COMMD10: variants seen among roughly 807,000 people sequenced by gnomAD.
COMMD10 encodes the protein COMM domain-containing protein 10.
A neutral mutation model predicts 28.9 loss-of-function variants in COMMD10; 33 were observed. That is an observed-to-expected ratio of 1.14 (90% confidence interval 0.87 to 1.53). COMMD10 has a LOEUF of 1.53. COMMD10 is among the 40% of genes most tolerant of loss of function. COMMD10 has a pLI of 0.00. For missense variants in COMMD10, 310 were observed against 233.4 expected, an observed-to-expected ratio of 1.33 and a Z score of -2.14; for synonymous variants, 110 against 81.7, an observed-to-expected ratio of 1.35 and a Z score of -1.87.
intron 4 of COMMD10, among the ~76,000 whole-genome samples, chr5:116,099,674 T>C (rs1750590332): frequency 6.6e-6 from 1 of 152,206 alleles, no homozygotes; most frequent in East Asian, 1.9e-4. Flanking sequence ...TGCTTTTGAT[T>C]TGCATTTCTT....
chr5:116,234,157 G>C (rs1749599182), intron 5 of COMMD10, among the ~76,000 whole-genome samples: 1 of 152,152 alleles, frequency 6.6e-6, no homozygotes, highest in Non-Finnish European at 1.5e-5. Flanking sequence ...TGCTATGGAA[G>C]TCAGGTGACA....
intron 5 of COMMD10, among the ~76,000 whole-genome samples, chr5:116,151,452 A>G (rs187133082): frequency 2.6e-3 from 397 of 152,170 alleles, no homozygotes; most frequent in Middle Eastern, 6.8e-3. Context: ...TCCTCCTCGT[A>G]CCTCTGGTAG....
At chr5:116,251,521 C>T (rs964061352) in intron 5 of COMMD10, among the ~76,000 whole-genome samples, 1 of 149,006 alleles carries the variant, frequency 6.7e-6, no homozygotes, top group African/African-American at 2.5e-5. Context: ...CAATTCCCAC[C>T]TATGAGTGAG....
chr5:116,212,417 T>A (rs944012125), intron 5 of COMMD10, among the ~76,000 whole-genome samples: 1 of 151,382 alleles, frequency 6.6e-6, no homozygotes, highest in East Asian at 1.9e-4. Context: ...TTGCAGAGGA[T>A]TGGGGCTTTT....
chr5:116,157,445 T>A (rs894453304), intron 5 of COMMD10, among the ~76,000 whole-genome samples: 8 of 152,144 alleles, frequency 5.3e-5, no homozygotes, highest in African/African-American at 1.9e-4. Flanking sequence ...TTGGGATGAT[T>A]TTAATCAGTG....
At chr5:116,283,493 C>T (rs774369144) in intron 5 of COMMD10, among the ~76,000 whole-genome samples, 18 of 151,504 alleles carry the variant, frequency 1.2e-4, no homozygotes, top group Non-Finnish European at 2.1e-4. Context: ...ATTACAGGCA[C>T]CCACCACCAC....
intron 5 of COMMD10, among the ~76,000 whole-genome samples, chr5:116,285,509 G>A (rs1046690044): frequency 6.6e-6 from 1 of 151,904 alleles, no homozygotes; most frequent in African/African-American, 2.4e-5. Flanking sequence ...TACCACTGCT[G>A]TATTCCCCAT....
chr5:116,119,012 CAG>C (rs1429349696), intron 4 of COMMD10, among the ~76,000 whole-genome samples: 1 of 152,152 alleles, frequency 6.6e-6, no homozygotes, highest in South Asian at 2.1e-4. Flanking sequence ...TGTACTTTTT[CAG>C]AGTGTTGCCA....
chr5:116,197,417 T>C (rs937883429), intron 5 of COMMD10, among the ~76,000 whole-genome samples: 2 of 152,210 alleles, frequency 1.3e-5, no homozygotes, highest in African/African-American at 4.8e-5. Context: ...GATCTTGCCC[T>C]GTTGCCCAGG....
chr5:116,251,209 T>C (rs912445932), intron 5 of COMMD10, among the ~76,000 whole-genome samples: 7 of 151,956 alleles, frequency 4.6e-5, no homozygotes, highest in African/African-American at 1.7e-4. Flanking sequence ...TTATTGTTCA[T>C]TAAGTATTTG....
At chr5:116,262,657 G>C (rs1226715991) in intron 5 of COMMD10, among the ~76,000 whole-genome samples, 3 of 151,794 alleles carry the variant, frequency 2.0e-5, no homozygotes, top group African/African-American at 7.3e-5. Context: ...GTATTCCCAA[G>C]ATTTTCAGTC....
At chr5:116,187,482 A>T (rs1412632125) in intron 5 of COMMD10, among the ~76,000 whole-genome samples, 1 of 152,028 alleles carries the variant, frequency 6.6e-6, no homozygotes, top group Non-Finnish European at 1.5e-5. Flanking sequence ...TTTTAGTGTA[A>T]AGATATTGAT....
chr5:116,241,313 C>T (rs1341016671), intron 5 of COMMD10, among the ~76,000 whole-genome samples: 1 of 152,112 alleles, frequency 6.6e-6, no homozygotes, highest in Non-Finnish European at 1.5e-5. Flanking sequence ...TTAGGTTAGA[C>T]CCTGGAGCAA....
Position 116,212,496 on chromosome 5 carries a change from C to CTGTGTGTGTG in COMMD10, c.510+78336_510+78345dup, listed in dbSNP as rs11268771. Among the ~76,000 whole-genome samples, 224 of 63,862 alleles carry CTGTGTGTGTG rather than the reference C, an allele frequency of 3.5e-3. 3 individuals carry two copies. Among genetic ancestry groups the CTGTGTGTGTG allele is most frequent in the African/African-American group, 7.2e-3 (196 of 27,212 alleles). 41.9% of individuals were successfully genotyped at this position (63,862 alleles called of 152,430 possible). On this transcript the variant is annotated intron_variant, in intron 5 of 6. Transcript: ENST00000274458. ...TCCAGTGACAGAAGGTACTGAAATGCTGTGTGTGTGTGTGTGTGTGTGTGT... is the reference window on the plus strand; with the variant it reads ...TCCAGTGACAGAAGGTACTGAAATGCTGTGTGTGTGTGTGTGTGTGTGTGTGTGTGTGTGT...
At chr5:116,163,489 C>G (rs537361555) in intron 5 of COMMD10, among the ~76,000 whole-genome samples, 3 of 149,722 alleles carry the variant, frequency 2.0e-5, no homozygotes, top group African/African-American at 7.4e-5. Context: ...ACTCAGGAGG[C>G]TGAGGCAGGG....
intron 5 of COMMD10, among the ~76,000 whole-genome samples, chr5:116,225,142 G>A (rs1749358528): frequency 6.6e-6 from 1 of 151,734 alleles, no homozygotes; most frequent in Admixed American, 6.6e-5. Context: ...AGAGTTTTCT[G>A]TTTTTGTTGT....
At chr5:116,128,305 A>G (rs1288079959) in intron 4 of COMMD10, among the ~76,000 whole-genome samples, 1 of 152,016 alleles carries the variant, frequency 6.6e-6, no homozygotes, top group African/African-American at 2.4e-5. Flanking sequence ...ATGCCTAACT[A>G]CTGTGTTAAC....
At chr5:116,185,643 G>T (rs894444672) in intron 5 of COMMD10, among the ~76,000 whole-genome samples, 9 of 152,100 alleles carry the variant, frequency 5.9e-5, no homozygotes, top group African/African-American at 1.7e-4. Context: ...AGGGTCCTAT[G>T]TAAAGAGGGC....
At chr5:116,112,615 C>T (rs1245999061) in intron 4 of COMMD10, among the ~76,000 whole-genome samples, 1 of 152,094 alleles carries the variant, frequency 6.6e-6, no homozygotes, top group African/African-American at 2.4e-5. Context: ...AGAATGTTCT[C>T]TATCTCTTCA....
Sources: allele counts gnomAD v4.1 joint callset (sites outside exome capture counted in the v4.1 genomes callset), GRCh38; gene constraint gnomAD v4.1.1; transcripts MANE v1.5; gene names NCBI Gene and HGNC (gene_info 2026-07-23, HGNC 2026-07-21).